The following MCTP1 variants were observed in gnomAD, a reference collection of about 807,000 sequenced individuals.
MCTP1 encodes the protein multiple C2 and transmembrane domain containing 1.
MCTP1 carries 69 observed loss-of-function variants against 120.6 expected under a neutral mutation model. That is an observed-to-expected ratio of 0.57 (90% CI 0.47 to 0.70). The LOEUF (loss-of-function observed/expected upper bound fraction) is 0.70, where lower values mean the gene tolerates loss of function less well. Among genes scored for constraint, MCTP1 ranks in the 30% least tolerant of loss-of-function variants. The probability of loss-of-function intolerance (pLI) is 0.00; values close to 1 mark genes in which losing one functional copy is unlikely to be tolerated. For missense variants in MCTP1, 1,203 were observed against 1,248.8 expected, an observed-to-expected ratio of 0.96 and a Z score of 0.55; for synonymous variants, 529 against 493.1, an observed-to-expected ratio of 1.07 and a Z score of -0.96.
chr5:94,902,394 C>G (rs1385696460), intron 10 of MCTP1, among the ~76,000 whole-genome samples: 1 of 152,092 alleles, frequency 6.6e-6, no homozygotes, highest in Non-Finnish European at 1.5e-5. Context: ...ATATATACTT[C>G]TAAGTATATA....
chr5:95,028,397 T>C (rs1839675307), intron 1 of MCTP1, among the ~76,000 whole-genome samples: 1 of 152,158 alleles, frequency 6.6e-6, no homozygotes, highest in Non-Finnish European at 1.5e-5. Flanking sequence ...GGTTTTGGTT[T>C]CCTGGTGGTC....
chr5:94,726,781 C>A (rs1762213969), intron 19 of MCTP1, among the ~76,000 whole-genome samples: 1 of 152,068 alleles, frequency 6.6e-6, no homozygotes, highest in South Asian at 2.1e-4. Flanking sequence ...GGACTATAAC[C>A]CATGTCTCAT....
intron 7 of MCTP1, among the ~76,000 whole-genome samples, chr5:94,920,708 C>T (rs987716621): frequency 2.6e-5 from 4 of 151,244 alleles, no homozygotes; most frequent in Admixed American, 6.6e-5. Flanking sequence ...CGCCACTGCA[C>T]TCCAGCCCGG....
rs1797705037 is a variant in MCTP1 at position 94,870,766 on chromosome 5, G to T, written c.2241+106C>A. The T allele has an allele frequency of 3.5e-6, 3 of 854,028 alleles. No individual in the cohort carries two copies. The South Asian group carries it at 4.5e-5, about 13-fold the overall frequency. The allele number at this position is 854,028 out of a possible 1,614,324, so 52.9% of individuals were successfully genotyped here. A position where few individuals can be genotyped will look rare whatever the true frequency, so the allele number is the denominator to read the frequency against. ...AGCGTATTCTCCAGGACACATGAAG[G>T]TTTAGAGAAAATGAGGAATGACAGA... On this transcript the variant is annotated intron_variant, in intron 15 of 22. Transcript: ENST00000515393.
intron 1 of MCTP1, among the ~76,000 whole-genome samples, chr5:95,154,876 G>A (rs773751544): frequency 7.9e-5 from 12 of 151,846 alleles, no homozygotes; most frequent in African/African-American, 2.9e-4. Flanking sequence ...ATTTATTAAG[G>A]TTAGCCTTGA....
chr5:94,827,621 T>C (rs1787486044), intron 17 of MCTP1, among the ~76,000 whole-genome samples: 1 of 152,146 alleles, frequency 6.6e-6, no homozygotes. Flanking sequence ...GTAGGTTTGG[T>C]CTTTTCACAT....
intron 1 of MCTP1, among the ~76,000 whole-genome samples, chr5:95,263,741 A>C (rs1758662160): frequency 6.6e-6 from 1 of 152,194 alleles, no homozygotes; most frequent in Non-Finnish European, 1.5e-5. Flanking sequence ...AGGAACTTTC[A>C]TTGTACCCTC....
intron 11 of MCTP1, among the ~76,000 whole-genome samples, chr5:94,892,819 A>G (rs1255059134): frequency 6.6e-6 from 1 of 152,270 alleles, no homozygotes; most frequent in African/African-American, 2.4e-5. Flanking sequence ...CTCCAAAACA[A>G]ATGATATTTC....
chr5:95,056,247 C>G (rs1359351618), intron 1 of MCTP1, among the ~76,000 whole-genome samples: 1 of 152,144 alleles, frequency 6.6e-6, no homozygotes, highest in African/African-American at 2.4e-5. Context: ...AGTGCTTATA[C>G]TTAAAATATC....
rs982570584 is a variant in MCTP1 at position 95,001,911 on chromosome 5, C to T, written c.838+15456G>A. On this transcript the variant is annotated intron_variant, in intron 2 of 22. Transcript: ENST00000515393. Reference sequence around the variant, plus strand: ...TCAAAAACCTTCATGACAGCCCCTCCCACCACAGGCTCAGAGGCCTAGGAG... The same window carrying T: ...TCAAAAACCTTCATGACAGCCCCTCTCACCACAGGCTCAGAGGCCTAGGAG... Among the ~76,000 whole-genome samples the T allele has an allele frequency of 2.0e-5, 3 of 152,162 alleles. No individual in the cohort carries two copies. The East Asian group carries it at 5.8e-4, about 29-fold the overall frequency.
At chr5:95,189,017 T>C (rs750236266) in intron 1 of MCTP1, among the ~76,000 whole-genome samples, 1 of 152,132 alleles carries the variant, frequency 6.6e-6, no homozygotes, top group Non-Finnish European at 1.5e-5. Context: ...AAAAGGTGTA[T>C]TAAAGCAAAA....
intron 1 of MCTP1, among the ~76,000 whole-genome samples, chr5:95,154,865 GATTT>G (rs2152463977): frequency 6.6e-6 from 1 of 152,104 alleles, no homozygotes; most frequent in African/African-American, 2.4e-5. Context: ...TCATTTCCAT[GATTT>G]ATTAAGGTTA....
At chr5:94,725,878 G>A (rs115706773) in intron 19 of MCTP1, among the ~76,000 whole-genome samples, 1 of 152,174 alleles carries the variant, frequency 6.6e-6, no homozygotes, top group Non-Finnish European at 1.5e-5. Flanking sequence ...CATAGGAAGT[G>A]CTTGGTAAAT....
intron 1 of MCTP1, among the ~76,000 whole-genome samples, chr5:95,259,304 C>A (rs2152713879): frequency 6.6e-6 from 1 of 152,302 alleles, no homozygotes. Context: ...AGAAATCTAT[C>A]TTTGCCCATG....
chr5:94,722,607 CCTT>C (rs564479451), intron 19 of MCTP1, among the ~76,000 whole-genome samples: 274 of 152,164 alleles, frequency 1.8e-3, no homozygotes, highest in Non-Finnish European at 2.8e-3. Context: ...CATATGGTCA[CCTT>C]ATTATTTCCT....
chr5:95,142,052 AC>A (rs946561209), intron 1 of MCTP1, among the ~76,000 whole-genome samples: 2 of 151,176 alleles, frequency 1.3e-5, no homozygotes, highest in Non-Finnish European at 2.9e-5. Context: ...CTTTCAAAAA[AC>A]ATTTCAAAAT....
intron 1 of MCTP1, among the ~76,000 whole-genome samples, chr5:95,117,626 C>T (rs1468698335): frequency 6.6e-6 from 1 of 152,022 alleles, no homozygotes; most frequent in Non-Finnish European, 1.5e-5. Flanking sequence ...AGATCTAGAA[C>T]CAGAAAAACC....
rs553327764 is a variant in MCTP1, at chr5:94,763,662, A to G, written c.2610+15448T>C. Among the ~76,000 whole-genome samples, 63 of 152,324 alleles carry G rather than the reference A, an allele frequency of 4.1e-4. 1 individual carries two copies. The highest frequency in any genetic ancestry group is 3.4e-3 in the Middle Eastern group (1 of 294). ...GGAAGGCTCATACTGTGTCGCATTC[A>G]TCTGTGTCTACCCAGTGACTTGTCT... On this transcript the variant is annotated intron_variant, in intron 19 of 22. Transcript: ENST00000515393.
chr5:95,027,267 T>A (rs1481326303), intron 1 of MCTP1, among the ~76,000 whole-genome samples: 2 of 152,182 alleles, frequency 1.3e-5, no homozygotes, highest in East Asian at 3.9e-4. Context: ...AAGAAAAGCT[T>A]ATGCTTGGTT....
Sources: gnomAD v4.1 joint callset for allele counts (sites outside exome capture counted in the v4.1 genomes callset) on GRCh38, gnomAD v4.1.1 for gene constraint, MANE v1.5 for transcripts, NCBI Gene and HGNC (gene_info 2026-07-23, HGNC 2026-07-21) for gene names.